The following CNTNAP2 variants were observed in gnomAD, a reference collection of about 807,000 sequenced individuals.
The protein encoded by CNTNAP2 is contactin associated protein 2.
In CNTNAP2, 98 loss-of-function variants were observed where a neutral mutation model predicts 155.2. That is an observed-to-expected ratio of 0.63 (90% CI 0.54 to 0.75). The LOEUF is 0.75. Among genes scored for constraint, CNTNAP2 ranks in the 30% least tolerant of loss-of-function variants. The pLI, the probability that CNTNAP2 is intolerant of heterozygous loss-of-function variation, is 0.00. For missense variants in CNTNAP2, 1,727 were observed against 1,688.1 expected (o/e 1.02, Z -0.40); for synonymous variants, 651 against 631.2 (o/e 1.03, Z -0.47).
intron 2 of CNTNAP2, among the ~76,000 whole-genome samples, chr7:146,813,087 G>A (rs748298733): frequency 6.6e-6 from 1 of 152,196 alleles, no homozygotes; most frequent in Non-Finnish European, 1.5e-5. Flanking sequence ...CAGGGGTGGA[G>A]CAGTCATGAA....
intron 21 of CNTNAP2, among the ~76,000 whole-genome samples, chr7:148,295,317 G>T (rs1229076232): frequency 1.3e-5 from 2 of 151,996 alleles, no homozygotes; most frequent in African/African-American, 4.8e-5. Context: ...ACCCTAAGTC[G>T]TGCTCAAGGC....
At chr7:147,174,012 C>A (rs573278024) in intron 8 of CNTNAP2, among the ~76,000 whole-genome samples, 12 of 152,138 alleles carry the variant, frequency 7.9e-5, no homozygotes, top group African/African-American at 2.6e-4. Flanking sequence ...ACTGATTATG[C>A]CTAAAACAGA....
chr7:146,721,692 T>C (rs1438434530), intron 1 of CNTNAP2, among the ~76,000 whole-genome samples: 1 of 117,502 alleles, frequency 8.5e-6, no homozygotes, highest in Non-Finnish European at 1.6e-5. Context: ...ACATTCTATA[T>C]ATATATTCTA....
chr7:146,870,568 CA>C (rs1483249883), intron 3 of CNTNAP2, among the ~76,000 whole-genome samples: 3 of 152,026 alleles, frequency 2.0e-5, no homozygotes, highest in Non-Finnish European at 4.4e-5. Context: ...AAGTTTTAAA[CA>C]AATATGAGTT....
chr7:147,164,221 G>A (rs975472151), intron 8 of CNTNAP2, among the ~76,000 whole-genome samples: 11 of 152,186 alleles, frequency 7.2e-5, no homozygotes, highest in African/African-American at 2.2e-4. Context: ...TGAAAGCCAG[G>A]TGTGACAGTT....
At chr7:147,063,087 G>A (rs902906548) in intron 4 of CNTNAP2, among the ~76,000 whole-genome samples, 2 of 152,264 alleles carry the variant, frequency 1.3e-5, no homozygotes, top group African/African-American at 4.8e-5. Context: ...ATGAAGAACT[G>A]AGAACTCCCT....
intron 1 of CNTNAP2, among the ~76,000 whole-genome samples, chr7:146,761,749 C>T (rs1419802807): frequency 6.6e-6 from 1 of 151,928 alleles, no homozygotes; most frequent in Non-Finnish European, 1.5e-5. Context: ...CTTTCAATTG[C>T]GATTATCCCA....
chr7:148,344,393 C>T (rs2116586191), intron 21 of CNTNAP2, among the ~76,000 whole-genome samples: 1 of 152,306 alleles, frequency 6.6e-6, no homozygotes. Context: ...CCATTCACTC[C>T]AGTCCCTGCT....
chr7:146,246,285 G>C (rs1799652467), intron 1 of CNTNAP2, among the ~76,000 whole-genome samples: 1 of 150,850 alleles, frequency 6.6e-6, no homozygotes, highest in Non-Finnish European at 1.5e-5. Flanking sequence ...TTGGGAAGAA[G>C]GGCAGCAATG....
At chr7:147,426,728 T>C (rs1797383418) in intron 10 of CNTNAP2, among the ~76,000 whole-genome samples, 1 of 152,132 alleles carries the variant, frequency 6.6e-6, no homozygotes, top group Admixed American at 6.5e-5. Context: ...TTTTAAAAGA[T>C]CTGGGAATGA....
chr7:146,811,606 GCTTTT>G (rs1358713144), intron 2 of CNTNAP2, among the ~76,000 whole-genome samples: 1 of 151,536 alleles, frequency 6.6e-6, no homozygotes. Flanking sequence ...TTTTCTATAG[GCTTTT>G]CTTTATTTCT....
At chr7:148,140,547 C>T (rs1805044276) in intron 16 of CNTNAP2, among the ~76,000 whole-genome samples, 1 of 152,052 alleles carries the variant, frequency 6.6e-6, no homozygotes, top group Non-Finnish European at 1.5e-5. Flanking sequence ...CCTCAGCCTC[C>T]CAAGTAGCCA....
At chr7:146,988,253 T>C (rs534669405) in intron 3 of CNTNAP2, among the ~76,000 whole-genome samples, 1 of 152,094 alleles carries the variant, frequency 6.6e-6, no homozygotes, top group Admixed American at 6.6e-5. Context: ...ATTTTTGAAT[T>C]CTAGAATTCA....
chr7:146,215,134 T>C (rs1799093950), intron 1 of CNTNAP2, among the ~76,000 whole-genome samples: 1 of 152,238 alleles, frequency 6.6e-6, no homozygotes, highest in African/African-American at 2.4e-5. Context: ...TAAAATCTTC[T>C]GGTTTGTAAA....
At chr7:147,402,038 A>C (rs1796924460) in intron 10 of CNTNAP2, among the ~76,000 whole-genome samples, 1 of 152,240 alleles carries the variant, frequency 6.6e-6, no homozygotes, top group African/African-American at 2.4e-5. Flanking sequence ...ATTTTCTAAA[A>C]TTTGTCTTCA....
chr7:147,528,922 A>G (rs1165189022), intron 11 of CNTNAP2, among the ~76,000 whole-genome samples: 2 of 152,250 alleles, frequency 1.3e-5, no homozygotes, highest in Non-Finnish European at 2.9e-5. Flanking sequence ...TATACAGTAC[A>G]GTAGCCACTG....
chr7:148,088,170 G>T (rs1803771094), intron 15 of CNTNAP2, among the ~76,000 whole-genome samples: 1 of 152,000 alleles, frequency 6.6e-6, no homozygotes, highest in Admixed American at 6.5e-5. Flanking sequence ...TTTGCATTTT[G>T]CTTTCCCACC....
chr7:147,409,657 A>G (rs576218614), intron 10 of CNTNAP2, among the ~76,000 whole-genome samples: 1 of 152,214 alleles, frequency 6.6e-6, no homozygotes, highest in Non-Finnish European at 1.5e-5. Flanking sequence ...TGCATCTGAC[A>G]AAAGTCTAAT....
intron 1 of CNTNAP2, among the ~76,000 whole-genome samples, chr7:146,301,777 G>A (rs1800615179): frequency 6.6e-6 from 1 of 152,118 alleles, no homozygotes; most frequent in Non-Finnish European, 1.5e-5. Flanking sequence ...TTTCTGGAAG[G>A]AGCAAACATA....
Sources: gnomAD v4.1 joint callset for allele counts (sites outside exome capture counted in the v4.1 genomes callset) on GRCh38, gnomAD v4.1.1 for gene constraint, MANE v1.5 for transcripts, NCBI Gene and HGNC (gene_info 2026-07-23, HGNC 2026-07-21) for gene names.